The following NKAIN2 variants were observed in gnomAD, a reference collection of about 807,000 sequenced individuals.
NKAIN2 encodes the protein sodium/potassium-transporting ATPase subunit beta-1-interacting protein 2.
A neutral mutation model predicts 32.6 loss-of-function variants in NKAIN2; 14 were observed. The ratio of observed to expected loss-of-function variants is 0.43; its 90% CI spans 0.28 to 0.67. The LOEUF is 0.67. Among genes scored for constraint, NKAIN2 ranks in the 30% least tolerant of loss-of-function variants. The pLI is 0.17. For synonymous variants in NKAIN2, 80 were observed against 87.2 expected (o/e 0.92, Z 0.46); for missense variants, 198 against 258.3 (o/e 0.77, Z 1.60).
chr6:124,018,152 C>T (rs1269699060), intron 1 of NKAIN2, among the ~76,000 whole-genome samples: 4 of 152,194 alleles, frequency 2.6e-5, no homozygotes, highest in African/African-American at 9.6e-5. Context: ...GGGCTTCCAG[C>T]CTCTGAAGCC....
chr6:124,349,275 G>A (rs563225476), intron 2 of NKAIN2, among the ~76,000 whole-genome samples: 29 of 152,108 alleles, frequency 1.9e-4, no homozygotes, highest in Admixed American at 1.3e-4. Flanking sequence ...CACACAGGAA[G>A]AGGAGAGCCA....
In NKAIN2 at chr6:123,806,968, G is replaced by A. The variant is rs981921171; in HGVS notation, c.54+2714G>A. On this transcript the variant is annotated intron_variant, in intron 1 of 6. Coordinates refer to ENST00000368417, the MANE Select transcript of NKAIN2 (RefSeq NM_001040214.3). ...GGATGAGGTGGCTTTTGGTATTGTG[G>A]ATATGGTGATCTCATTTATTAAGTT... Among the ~76,000 whole-genome samples, 3 of 152,102 alleles carry A rather than the reference G, an allele frequency of 2.0e-5. No individual in the cohort carries two copies. In the East Asian group the frequency reaches 5.8e-4, roughly 29 times the overall value.
chr6:124,153,701 T>C (rs1787845008), intron 1 of NKAIN2, among the ~76,000 whole-genome samples: 1 of 151,818 alleles, frequency 6.6e-6, no homozygotes, highest in South Asian at 2.1e-4. Context: ...TTTTTGTTTA[T>C]TGACCTTGTT....
At chr6:124,366,637 C>T (rs757619338) in intron 3 of NKAIN2, among the ~76,000 whole-genome samples, 11 of 152,100 alleles carry the variant, frequency 7.2e-5, no homozygotes, top group East Asian at 1.9e-4. Flanking sequence ...TAACAGATTA[C>T]TGAACTCAAA....
chr6:123,909,683 C>T (rs1775069351), intron 1 of NKAIN2, among the ~76,000 whole-genome samples: 2 of 152,224 alleles, frequency 1.3e-5, no homozygotes, highest in Admixed American at 1.3e-4. Context: ...TCTGGCCACC[C>T]AGACCTAATC....
At chr6:124,511,552 A>G (rs1381207203) in intron 3 of NKAIN2, among the ~76,000 whole-genome samples, 2 of 152,118 alleles carry the variant, frequency 1.3e-5, no homozygotes, top group Non-Finnish European at 2.9e-5. Flanking sequence ...CCTTCAGTCA[A>G]CCTTGCCTTC....
chr6:124,210,729 T>C (rs1446355305), intron 1 of NKAIN2, among the ~76,000 whole-genome samples: 2 of 151,032 alleles, frequency 1.3e-5, no homozygotes, highest in Non-Finnish European at 2.9e-5. Context: ...TGTTTGTTTT[T>C]TGTTTTTTTT....
At chr6:124,050,860 A>G (rs771205308) in intron 1 of NKAIN2, among the ~76,000 whole-genome samples, 2 of 152,080 alleles carry the variant, frequency 1.3e-5, no homozygotes, top group South Asian at 2.1e-4. Context: ...AGTAGAATCA[A>G]TCGTACCTAT....
intron 3 of NKAIN2, among the ~76,000 whole-genome samples, chr6:124,406,156 A>G (rs1411013887): frequency 2.0e-5 from 3 of 152,110 alleles, no homozygotes; most frequent in Non-Finnish European, 4.4e-5. Flanking sequence ...AGAAACCATC[A>G]CCAAAATCAA....
intron 1 of NKAIN2, among the ~76,000 whole-genome samples, chr6:124,028,178 T>C (rs570518828): frequency 6.6e-6 from 1 of 152,288 alleles, no homozygotes; most frequent in East Asian, 1.9e-4. Flanking sequence ...ATCCGCTCTA[T>C]AAAACCTTCA....
At chr6:124,649,323 TAATG>T (rs1364289124) in intron 3 of NKAIN2, among the ~76,000 whole-genome samples, 1 of 152,150 alleles carries the variant, frequency 6.6e-6, no homozygotes, top group Admixed American at 6.5e-5. Context: ...GAAAGGATAA[TAATG>T]GTATATTGTT....
intron 1 of NKAIN2, among the ~76,000 whole-genome samples, chr6:123,809,132 A>G (rs532043711): frequency 1.3e-5 from 2 of 152,160 alleles, no homozygotes; most frequent in African/African-American, 4.8e-5. Flanking sequence ...TAATATTGCT[A>G]TTAATGGAAA....
intron 4 of NKAIN2, among the ~76,000 whole-genome samples, chr6:124,747,851 A>G (rs1374966848): frequency 6.6e-6 from 1 of 151,772 alleles, no homozygotes; most frequent in African/African-American, 2.4e-5. Context: ...TCAAAGCAAA[A>G]ATTGAAATAG....
rs73578495 is a variant in NKAIN2, at chr6:124,449,809, A to C, written c.273+94462A>C. Among the ~76,000 whole-genome samples, 45 of 152,286 alleles carry C rather than the reference A, an allele frequency of 3.0e-4. 1 individual carries two copies. Among genetic ancestry groups the C allele is most frequent in the South Asian group, 6.2e-4 (3 of 4,826 alleles). On this transcript the variant is annotated intron_variant, in intron 3 of 6. Coordinates refer to ENST00000368417, the MANE Select transcript of NKAIN2 (RefSeq NM_001040214.3). ...ATAGTCGTGATGGTTTGGAATACTTATATGACCAAAGGGGTGGAGCTGTAG... is the reference window on the plus strand; with the variant it reads ...ATAGTCGTGATGGTTTGGAATACTTCTATGACCAAAGGGGTGGAGCTGTAG...
chr6:123,820,126 A>C (rs1251864108), intron 1 of NKAIN2, among the ~76,000 whole-genome samples: 1 of 152,204 alleles, frequency 6.6e-6, no homozygotes, highest in Non-Finnish European at 1.5e-5. Flanking sequence ...TTCAAAATAA[A>C]AATCTTTCAA....
intron 2 of NKAIN2, among the ~76,000 whole-genome samples, chr6:124,321,464 A>G (rs1332344036): frequency 1.3e-5 from 2 of 152,234 alleles, no homozygotes; most frequent in Non-Finnish European, 2.9e-5. Context: ...AACTTAAAGT[A>G]TAATAAAAAT....
At chr6:123,940,334 G>GTA (rs142336722) in intron 1 of NKAIN2, among the ~76,000 whole-genome samples, 2,529 of 150,760 alleles carry the variant, frequency 0.017, 28 homozygotes, top group Middle Eastern at 0.038. Context: ...GCCTGTGTGT[G>GTA]TATATATATA....
intron 3 of NKAIN2, among the ~76,000 whole-genome samples, chr6:124,533,571 A>C (rs1391615109): frequency 1.3e-5 from 2 of 151,416 alleles, no homozygotes; most frequent in Non-Finnish European, 2.9e-5. Context: ...CTCTGTCTAT[A>C]TGACACATAA....
At chr6:124,798,784 C>G (rs369111433) in intron 5 of NKAIN2, among the ~76,000 whole-genome samples, 4 of 152,218 alleles carry the variant, frequency 2.6e-5, no homozygotes, top group South Asian at 4.2e-4. Context: ...TTGCCCAAAG[C>G]CACTAGCTCA....
Sources: allele counts gnomAD v4.1 joint callset (sites outside exome capture counted in the v4.1 genomes callset), GRCh38; gene constraint gnomAD v4.1.1; transcripts MANE v1.5; gene names NCBI Gene and HGNC (gene_info 2026-07-23, HGNC 2026-07-21).